SULT6B1: variants seen among roughly 807,000 people sequenced by gnomAD.
SULT6B1 encodes sulfotransferase family 6B member 1.
SULT6B1 carries 44 observed loss-of-function variants against 37.2 expected under a neutral mutation model. That is an observed-to-expected ratio of 1.18 (90% CI 0.93 to 1.52). The LOEUF (loss-of-function observed/expected upper bound fraction) is 1.52. Among genes scored for constraint, SULT6B1 ranks in the 40% most tolerant of loss-of-function variants. The pLI is 0.00. For missense variants in SULT6B1, 450 were observed against 361.0 expected, an observed-to-expected ratio of 1.25 and a Z score of -2.00; for synonymous variants, 140 against 126.0, an observed-to-expected ratio of 1.11 and a Z score of -0.74.
At chr2:37,179,656 A>G (rs1676507877) in intron 3 of SULT6B1, 72 bp from the exon 4 acceptor site, 1 of 1,347,158 alleles carries the variant, frequency 7.4e-7, no homozygotes, top group Non-Finnish European at 1.0e-6. Context: ...AGGGTGAGCA[A>G]TATCATCATG....
chr2:37,183,998 T>C (rs1366693586), intron 2 of SULT6B1, among the ~76,000 whole-genome samples: 1 of 152,238 alleles, frequency 6.6e-6, no homozygotes, highest in Non-Finnish European at 1.5e-5. Context: ...TGAAGAATCA[T>C]AAATAAACCA....
chr2:37,190,226 G>A (rs1676754729), upstream of SULT6B1, among the ~76,000 whole-genome samples: 1 of 152,176 alleles, frequency 6.6e-6, no homozygotes, highest in African/African-American at 2.4e-5. Context: ...ATCTATAAAT[G>A]TAGACTGTAT....
Position 37,188,598 on chromosome 2 carries a change from A to C in SULT6B1, c.43T>G (p.Leu15Val). 6.6e-7 allele frequency: 1 copy of C among 1,516,986 alleles called. No homozygotes were observed. The highest frequency in any genetic ancestry group is 1.7e-5 in the Admixed American group (1 of 59,600). The allele number at this position is 1,516,986 out of a possible 1,614,324, so 94.0% of individuals were successfully genotyped here. A position where few individuals can be genotyped will look rare whatever the true frequency, so the allele number is the denominator to read the frequency against. The change falls in exon 1 of 7, where the codon TTA becomes GTA. Residue 15 changes from leucine to valine, a missense_variant. Transcript: ENST00000535679. ...AGTGCAGTTTCTTTTGATTTTTCTA[A>C]AGCTTCGTCAATGTATTCAATAAAT... ...SKFIEYIDEA[L>V]EKSKETALSH...
intron 5 of SULT6B1, among the ~76,000 whole-genome samples, chr2:37,174,364 A>G (rs1467021634): frequency 6.7e-6 from 1 of 149,274 alleles, no homozygotes; most frequent in Admixed American, 6.8e-5. Flanking sequence ...CTTCCTGAGT[A>G]GCTGGTACTA....
At chr2:37,191,977 G>A (rs994611702), upstream of SULT6B1, among the ~76,000 whole-genome samples, 2 of 152,206 alleles carry the variant, frequency 1.3e-5, no homozygotes, top group Non-Finnish European at 2.9e-5. Flanking sequence ...GAAGCAGGTC[G>A]TGGCATGGCC....
chr2:37,188,311 G>A lies in SULT6B1; in HGVS notation c.199+131C>T. On this transcript the variant is annotated intron_variant, in intron 1 of 6. Transcript: ENST00000535679. ...TACAACCTACGTACTTAACCACTGT[G>A]GCCCTCCTCCTCACTGATGCTCAGA... The A allele has an allele frequency of 4.3e-6, 3 of 690,968 alleles. No homozygotes were observed. In the Admixed American group the frequency reaches 8.0e-5, roughly 19 times the overall value. The allele number at this position is 690,968 out of a possible 1,614,324, so 42.8% of individuals were successfully genotyped here. A position where few individuals can be genotyped will look rare whatever the true frequency, so the allele number is the denominator to read the frequency against.
At chr2:37,180,776 C>T (rs926551675) in intron 3 of SULT6B1, among the ~76,000 whole-genome samples, 2 of 152,038 alleles carry the variant, frequency 1.3e-5, no homozygotes, top group Non-Finnish European at 2.9e-5. Flanking sequence ...CTCAGCTACT[C>T]GGGAGGCTGA....
intron 2 of SULT6B1, among the ~76,000 whole-genome samples, chr2:37,186,419 G>C (rs537129020): frequency 1.2e-3 from 190 of 152,252 alleles, no homozygotes; most frequent in Non-Finnish European, 1.4e-3. Flanking sequence ...CCTGGGCAGG[G>C]AGTAGAACAT....
upstream of SULT6B1, among the ~76,000 whole-genome samples, chr2:37,192,975 T>A (rs932279092): frequency 6.6e-6 from 1 of 152,212 alleles, no homozygotes; most frequent in Non-Finnish European, 1.5e-5. Context: ...GAATAACCTG[T>A]ATCGTGTGAT....
intron 4 of SULT6B1, among the ~76,000 whole-genome samples, chr2:37,178,866 C>T (rs943704612): frequency 6.6e-6 from 1 of 152,224 alleles, no homozygotes; most frequent in Non-Finnish European, 1.5e-5. Context: ...TTTTCTACAT[C>T]ACTCACTGTT....
chr2:37,173,995 C>A (rs1272666803), intron 5 of SULT6B1, among the ~76,000 whole-genome samples: 2 of 152,180 alleles, frequency 1.3e-5, no homozygotes, highest in African/African-American at 4.8e-5. Context: ...CATACTCCAT[C>A]CTACCTCCTT....
intron 3 of SULT6B1, 106 bp downstream of exon 3, chr2:37,183,319 C>T (rs967112061): frequency 2.3e-6 from 2 of 864,660 alleles, no homozygotes; most frequent in Admixed American, 2.4e-5. Context: ...TGTCACAGTT[C>T]ATTTATTAAG....
intron 4 of SULT6B1, among the ~76,000 whole-genome samples, 192 bp downstream of exon 4, chr2:37,179,266 G>GT: frequency 6.6e-6 from 1 of 152,210 alleles, no homozygotes; most frequent in East Asian, 1.9e-4. Flanking sequence ...CCCCAAATTC[G>GT]TTTTTAAAAC....
intron 5 of SULT6B1, among the ~76,000 whole-genome samples, chr2:37,173,299 C>T (rs1286665514): frequency 6.6e-6 from 1 of 152,190 alleles, no homozygotes; most frequent in Non-Finnish European, 1.5e-5. Flanking sequence ...GCCCCCGCTT[C>T]CTGGTCTCCT....
Position 37,179,569 on chromosome 2 carries a change from G to A in SULT6B1, c.418C>T (p.Arg140Ter), listed in dbSNP as rs147099571. 4.7e-5 allele frequency: 75 copies of A among 1,611,808 alleles called. No homozygotes were observed. The highest frequency in any genetic ancestry group is 2.0e-4 in the East Asian group (9 of 44,812). Residue 140 changes from arginine (R) to a stop codon, truncating the protein, a stop_gained, in exon 4 of 7, where the codon CGA (arginine) becomes TGA (stop). Transcript: ENST00000535679. LOFTEE classifies it high-confidence loss of function. Reference sequence around the variant, plus strand: ...GATACTGCTGTATCTTTAGGGTTTCGAAATATCACCAATATCTAGGGAGCA... The same window carrying A: ...GATACTGCTGTATCTTTAGGGTTTCAAAATATCACCAATATCTAGGGAGCA... ...ENKAKILVIF[R>*]NPKDTAVSFL...
At chr2:37,175,083 G>T (rs754193386) in intron 5 of SULT6B1, 49 bp downstream of exon 5, 1 of 1,126,874 alleles carries the variant, frequency 8.9e-7, no homozygotes, top group Non-Finnish European at 1.3e-6. Context: ...AGTGCTCTAC[G>T]TTGTAGTTTA....
At chr2:37,182,241 G>A (rs11885265) in intron 3 of SULT6B1, among the ~76,000 whole-genome samples, 40,980 of 147,606 alleles carry the variant, frequency 0.28, 6,682 homozygotes, top group East Asian at 0.79. Context: ...GCTAGCATTC[G>A]GCAGAAGTTA....
intron 6 of SULT6B1, among the ~76,000 whole-genome samples, chr2:37,169,522 C>T (rs1170839749): frequency 2.6e-5 from 4 of 152,148 alleles, no homozygotes; most frequent in Admixed American, 6.5e-5. Context: ...CAGAGTCTGG[C>T]TCTGTCACCC....
At chr2:37,183,108 T>C (rs1170222972) in intron 3 of SULT6B1, among the ~76,000 whole-genome samples, 1 of 152,192 alleles carries the variant, frequency 6.6e-6, no homozygotes. Flanking sequence ...TTTTTCTCAT[T>C]TTACTAAATT....
Sources: allele counts gnomAD v4.1 joint callset (sites outside exome capture counted in the v4.1 genomes callset), GRCh38; gene constraint gnomAD v4.1.1; transcripts MANE v1.5; gene names NCBI Gene and HGNC (gene_info 2026-07-23, HGNC 2026-07-21).